Variants in MICU3 observed in about 807,000 individuals in gnomAD.
MICU3 encodes calcium uptake protein 3, mitochondrial.
A neutral mutation model predicts 66.5 loss-of-function variants in MICU3; 62 were observed. That is an observed-to-expected ratio of 0.93 (90% CI 0.76 to 1.15). The LOEUF (loss-of-function observed/expected upper bound fraction) is 1.15, where lower values mean the gene tolerates loss of function less well. Ranked by LOEUF, MICU3 falls within the 50% of genes most tolerant of loss-of-function variation. The pLI is 0.00. For synonymous variants in MICU3, 308 were observed against 240.7 expected (o/e 1.28, Z -2.59); for missense variants, 779 against 664.4 (o/e 1.17, Z -1.90).
At chr8:17,119,560 G>A (rs569084962) in intron 14 of MICU3, among the ~76,000 whole-genome samples, 1 of 149,940 alleles carries the variant, frequency 6.7e-6, no homozygotes, top group African/African-American at 2.5e-5. Context: ...TAGATAGATA[G>A]ATAGATAGAT....
At chr8:17,068,455 C>T (rs17624854) in intron 2 of MICU3, among the ~76,000 whole-genome samples, 22,319 of 152,086 alleles carry the variant, frequency 0.15, 2,168 homozygotes, top group East Asian at 0.38. Flanking sequence ...TTTCTTCTTT[C>T]CTTACTGCTA....
intron 7 of MICU3, among the ~76,000 whole-genome samples, chr8:17,087,239 A>G (rs1232958637): frequency 6.6e-6 from 1 of 152,046 alleles, no homozygotes; most frequent in Non-Finnish European, 1.5e-5. Flanking sequence ...AAACATTTGT[A>G]TCCATAATCA....
At chr8:17,116,314 T>C (rs1802673061) in intron 12 of MICU3, 129 bp from the exon 13 acceptor site, 2 of 544,340 alleles carry the variant, frequency 3.7e-6, no homozygotes, top group East Asian at 7.0e-5. Context: ...GCAGGATTAA[T>C]GGAAGGCCAT....
chr8:17,087,176 T>A (rs190417026), intron 7 of MICU3, 141 bp downstream of exon 7: 1 of 592,856 alleles, frequency 1.7e-6, no homozygotes, highest in Non-Finnish European at 3.0e-6. Flanking sequence ...GTAGAAAAAT[T>A]GCTTCAGTAT....
intron 4 of MICU3, among the ~76,000 whole-genome samples, chr8:17,079,833 A>G (rs1820906768): frequency 1.3e-5 from 2 of 152,140 alleles, no homozygotes; most frequent in Admixed American, 6.6e-5. Flanking sequence ...TCTACTTAAA[A>G]TATTACCTCG....
chr8:17,114,061 TA>T (rs780010942), intron 11 of MICU3, 31 bp from the exon 12 acceptor site: 30 of 1,361,898 alleles, frequency 2.2e-5, no homozygotes, highest in Non-Finnish European at 2.7e-5. Flanking sequence ...TTGGCAATAC[TA>T]AATGTATTTT....
In MICU3 at chr8:17,032,490, A is replaced by G. The variant is rs185336004; in HGVS notation, c.381+4830A>G. Among the ~76,000 whole-genome samples, 48 of 152,332 alleles carry G rather than the reference A, an allele frequency of 3.2e-4. 1 individual carries two copies. The highest frequency in any genetic ancestry group is 6.5e-4 in the Non-Finnish European group (44 of 68,026). On this transcript the variant is annotated intron_variant, in intron 1 of 14. Transcript: ENST00000318063. ...TGATTTGTTCGCCTTAAAAAGCTTC[A>G]AGCAACATATTTGAGTATTACTGTG...
chr8:17,038,736 G>C (rs1813494370), intron 1 of MICU3, among the ~76,000 whole-genome samples: 1 of 152,134 alleles, frequency 6.6e-6, no homozygotes, highest in Non-Finnish European at 1.5e-5. Context: ...GGCAGATCAT[G>C]AGGTCAGGAG....
chr8:17,084,989 G>A (rs1464828431), intron 5 of MICU3, among the ~76,000 whole-genome samples: 1 of 151,982 alleles, frequency 6.6e-6, no homozygotes, highest in African/African-American at 2.4e-5. Flanking sequence ...AAAAAGAGAA[G>A]TGCTTTAGGA....
chr8:17,110,412 C>A (rs918159662), intron 11 of MICU3, among the ~76,000 whole-genome samples: 1 of 151,940 alleles, frequency 6.6e-6, no homozygotes, highest in African/African-American at 2.4e-5. Context: ...TGATGCAGTC[C>A]CTTCCCGTTT....
intron 1 of MICU3, among the ~76,000 whole-genome samples, chr8:17,042,084 T>C (rs1814228698): frequency 6.6e-6 from 1 of 152,204 alleles, no homozygotes; most frequent in Non-Finnish European, 1.5e-5. Flanking sequence ...TGAAATGCAG[T>C]TTTTTCATGG....
chr8:17,138,592 G>T, the MICU3 span, among the ~76,000 whole-genome samples: 1 of 152,108 alleles, frequency 6.6e-6, no homozygotes, highest in Non-Finnish European at 1.5e-5. Context: ...ACGCACCATC[G>T]TCTTCAGACA....
At position 17,067,285 on chromosome 8, in the gene MICU3, C is replaced by A. The variant is rs186234866; in HGVS notation, c.536-2403C>A. ...GGCTTTGAAAACTTGGTTATTTAAT[C>A]TTCTGTTTCCTCATTTATAAAAATA... On this transcript the variant is annotated intron_variant, in intron 2 of 14. Coordinates refer to ENST00000318063, the MANE Select transcript of MICU3 (RefSeq NM_181723.3). 6.0e-5 allele frequency among the ~76,000 whole-genome samples: 9 copies of A among 151,136 alleles called. No individual in the cohort carries two copies. In the South Asian group the frequency reaches 1.9e-3, roughly 31 times the overall value.
At chr8:17,132,056 T>C in the MICU3 span, 2 of 152,314 alleles carry the variant, frequency 1.3e-5, no homozygotes, top group East Asian at 3.9e-4. Flanking sequence ...CAACAATCAT[T>C]GCATACAGTG....
rs1014450231 is a variant in MICU3 at position 17,070,429 on chromosome 8, A to G, written c.567+710A>G. On this transcript the variant is annotated intron_variant, in intron 3 of 14. Coordinates refer to ENST00000318063, the MANE Select transcript of MICU3 (RefSeq NM_181723.3). ...AGTCCAAAACTGAGAAAGTGAAATC[A>G]TATTATTTAGGATACATTCATACGT... Among the ~76,000 whole-genome samples the G allele has an allele frequency of 5.3e-5, 8 of 152,080 alleles. 1 individual carries two copies. The highest frequency in any genetic ancestry group is 1.7e-4 in the African/African-American group (7 of 41,448).
intron 1 of MICU3, among the ~76,000 whole-genome samples, chr8:17,059,450 G>A (rs1188370564): frequency 6.6e-6 from 1 of 152,086 alleles, no homozygotes; most frequent in Non-Finnish European, 1.5e-5. Context: ...CGTAGAAAAA[G>A]TCAAGAGTGC....
chr8:17,103,818 T>G (rs1033857890), intron 9 of MICU3, among the ~76,000 whole-genome samples: 22 of 152,058 alleles, frequency 1.4e-4, no homozygotes, highest in Middle Eastern at 6.8e-3. Flanking sequence ...ATATAAATTT[T>G]CAAGGTCATA....
intron 5 of MICU3, among the ~76,000 whole-genome samples, chr8:17,084,680 G>C (rs1410375084): frequency 6.6e-6 from 1 of 152,064 alleles, no homozygotes; most frequent in African/African-American, 2.4e-5. Flanking sequence ...CATAGTATGT[G>C]AAAGTCTTTT....
intron 1 of MICU3, among the ~76,000 whole-genome samples, chr8:17,057,668 A>G (rs1444023673): frequency 6.6e-6 from 1 of 152,084 alleles, no homozygotes; most frequent in Admixed American, 6.6e-5. Context: ...CTCCTCCTAC[A>G]TTACCACTTT....
Sources: allele counts gnomAD v4.1 joint callset (sites outside exome capture counted in the v4.1 genomes callset), GRCh38; gene constraint gnomAD v4.1.1; transcripts MANE v1.5; gene names NCBI Gene and HGNC (gene_info 2026-07-23, HGNC 2026-07-21).